The following CLHC1 variants were observed in gnomAD, a reference collection of about 807,000 sequenced individuals.
CLHC1 encodes clathrin heavy chain linker domain-containing protein 1.
In CLHC1, 72 loss-of-function variants were observed where a neutral mutation model predicts 69.5. That is an observed-to-expected ratio of 1.04 (90% confidence interval 0.86 to 1.26). The LOEUF is 1.26. Among genes scored for constraint, CLHC1 ranks in the 50% most tolerant of loss-of-function variants. The probability of loss-of-function intolerance (pLI) is 0.00; values close to 1 mark genes in which losing one functional copy is unlikely to be tolerated. For missense variants in CLHC1, 790 were observed against 679.3 expected (o/e 1.16, Z -1.81); for synonymous variants, 223 against 224.3 (o/e 0.99, Z 0.05).
intron 4 of CLHC1, among the ~76,000 whole-genome samples, chr2:55,213,177 AATTT>A (rs1459053042): frequency 1.3e-5 from 2 of 152,224 alleles, no homozygotes; most frequent in African/African-American, 4.8e-5. Context: ...AAACAACAGA[AATTT>A]ATTCTCTTAC....
chr2:55,193,154 A>G lies in CLHC1; in HGVS notation c.1007-11410T>C, dbSNP rs1222133355. The stretch of plus-strand genomic sequence containing the variant: ...TGATCCACCCGCCTCAGCCTCCCAA[A>G]GTGCTGGGATTATAGGCGTGAACCA... On this transcript the variant is annotated intron_variant, in intron 9 of 12. Coordinates refer to ENST00000401408, the MANE Select transcript of CLHC1 (RefSeq NM_152385.4). Among the ~76,000 whole-genome samples the G allele has an allele frequency of 2.0e-5, 3 of 152,222 alleles. No individual in the cohort carries two copies. The East Asian group carries it at 5.8e-4, about 29-fold the overall frequency.
At position 55,175,217 on chromosome 2, in the gene CLHC1, T is replaced by C. The variant is rs1254170288; in HGVS notation, c.*573A>G. On this transcript the variant is annotated 3_prime_UTR_variant, in exon 13 of 13. Transcript: ENST00000401408. The stretch of plus-strand genomic sequence containing the variant: ...TATGCAAAATTCGACTGGTCTTCTC[T>C]CTAAGTAATAACATGCCAAGAGTCC... The C allele has an allele frequency of 6.6e-6, 1 of 152,266 alleles. No individual in the cohort carries two copies. The highest frequency in any genetic ancestry group is 1.5e-5 in the Non-Finnish European group (1 of 68,096). The allele number at this position is 152,266 out of a possible 1,614,324, so 9.4% of individuals were successfully genotyped here.
Position 55,209,848 on chromosome 2 carries a change from C to A in CLHC1, c.500-17G>T, listed in dbSNP as rs749217144. On this transcript the variant is annotated splice_polypyrimidine_tract_variant and intron_variant, in intron 5 of 12. Transcript: ENST00000401408. ...GAGTCATGCCTATGGGGAAAGGGAA[C>A]AAATCAAACACGACAAGCCATGTGT... The A allele has an allele frequency of 3.2e-6, 5 of 1,540,668 alleles. No individual in the cohort carries two copies. The highest frequency in any genetic ancestry group is 3.6e-6 in the Non-Finnish European group (4 of 1,119,620).
chr2:55,219,122 T>C (rs977600747), intron 3 of CLHC1, among the ~76,000 whole-genome samples: 1 of 152,120 alleles, frequency 6.6e-6, no homozygotes, highest in Non-Finnish European at 1.5e-5. Flanking sequence ...AAAATAGAGG[T>C]CATCAATCTG....
At chr2:55,230,235 G>T (rs1675153530) in intron 1 of CLHC1, among the ~76,000 whole-genome samples, 1 of 152,158 alleles carries the variant, frequency 6.6e-6, no homozygotes. Flanking sequence ...GGTAGGAAGT[G>T]TTCTGCATAT....
chr2:55,206,276 A>C lies in CLHC1; in HGVS notation c.1000T>G (p.Phe334Val). 6.4e-7 allele frequency: 1 copy of C among 1,568,520 alleles called. No homozygotes were observed. Among genetic ancestry groups the C allele is most frequent in the Non-Finnish European group, 8.8e-7 (1 of 1,139,142 alleles). The change falls in exon 9 of 13, where the codon TTT becomes GTT. Residue 334 changes from phenylalanine (F) to valine (V), a missense_variant. Transcript: ENST00000401408. ...ILRNIGTMNT[F>V]KAVGKIRGKP... is the part of the protein sequence containing the mutation. Reference sequence around the variant, plus strand: ...TTCAGAGAGAAATGCTTACCCTTAAATGTATTCATTGTACCAATGTTTCGA... The same window carrying C: ...TTCAGAGAGAAATGCTTACCCTTAACTGTATTCATTGTACCAATGTTTCGA...
intron 11 of CLHC1, 102 bp downstream of exon 11, chr2:55,180,408 G>T: frequency 2.6e-6 from 2 of 773,720 alleles, no homozygotes. Context: ...ATATAAAATT[G>T]ATTTTATAAC....
At chr2:55,229,883 G>A (rs1294964030) in intron 1 of CLHC1, among the ~76,000 whole-genome samples, 2 of 152,160 alleles carry the variant, frequency 1.3e-5, no homozygotes, top group African/African-American at 2.4e-5. Flanking sequence ...AGACCAGCCT[G>A]ACCAACATGG....
At chr2:55,224,746 T>C (rs1573786821) in intron 2 of CLHC1, 1 of 326,270 alleles carries the variant, frequency 3.1e-6, no homozygotes, top group East Asian at 8.2e-5. Context: ...CTCCCTTGTG[T>C]CCATGAGAAC....
At chr2:55,221,295 T>C (rs1057002495) in intron 3 of CLHC1, among the ~76,000 whole-genome samples, 4 of 152,162 alleles carry the variant, frequency 2.6e-5, no homozygotes, top group African/African-American at 9.7e-5. Context: ...AAAAGCTGCA[T>C]AAATAAATTA....
At chr2:55,211,502 CAAAAAAAAAAA>C (rs35216255) in intron 5 of CLHC1, among the ~76,000 whole-genome samples, 7 of 82,264 alleles carry the variant, frequency 8.5e-5, no homozygotes, top group South Asian at 4.0e-4. Flanking sequence ...ACTATGTCTC[CAAAAAAAAAAA>C]AAAAAAAAAG....
Position 55,175,253 on chromosome 2 carries a change from A to G in CLHC1, c.*537T>C, listed in dbSNP as rs1669280549. On this transcript the variant is annotated 3_prime_UTR_variant, in exon 13 of 13. Coordinates refer to ENST00000401408, the MANE Select transcript of CLHC1 (RefSeq NM_152385.4). ...ACATGCCAAGAGTCCCAGCTTTTATACTAGAAGCCTAAGCTTTGCCATATT... is the reference window on the plus strand; with the variant it reads ...ACATGCCAAGAGTCCCAGCTTTTATGCTAGAAGCCTAAGCTTTGCCATATT... 6.6e-6 allele frequency: 1 copy of G among 152,516 alleles called. No homozygotes were observed. Among genetic ancestry groups the G allele is most frequent in the Non-Finnish European group, 1.5e-5 (1 of 68,202 alleles). 9.4% of individuals were successfully genotyped at this position (152,516 alleles called of 1,614,324 possible). A position where few individuals can be genotyped will look rare whatever the true frequency, so the allele number is the denominator to read the frequency against.
chr2:55,204,618 A>G (rs1170875691), intron 9 of CLHC1, among the ~76,000 whole-genome samples: 1 of 152,184 alleles, frequency 6.6e-6, no homozygotes, highest in Non-Finnish European at 1.5e-5. Context: ...TGATTATACC[A>G]TATGATCAAC....
Position 55,206,381 on chromosome 2 carries a change from A to T in CLHC1, c.900-5T>A. ...AGTGAGATTAACTCATTAAACCTAT[A>T]GCCATCACATTTTAAAATGCATTAT... On this transcript the variant is annotated splice_polypyrimidine_tract_variant and splice_region_variant and intron_variant, in intron 8 of 12. Coordinates refer to ENST00000401408, the MANE Select transcript of CLHC1 (RefSeq NM_152385.4). 6.6e-7 allele frequency: 1 copy of T among 1,521,804 alleles called. No homozygotes were observed. The highest frequency in any genetic ancestry group is 9.1e-7 in the Non-Finnish European group (1 of 1,097,900). The allele number at this position is 1,521,804 out of a possible 1,614,324, so 94.3% of individuals were successfully genotyped here.
At chr2:55,192,832 A>G (rs955162120) in intron 9 of CLHC1, among the ~76,000 whole-genome samples, 3 of 151,770 alleles carry the variant, frequency 2.0e-5, no homozygotes, top group Non-Finnish European at 2.9e-5. Flanking sequence ...CCAAAAGTAG[A>G]TCATGTATCT....
chr2:55,226,171 A>C (rs995424232), intron 2 of CLHC1, among the ~76,000 whole-genome samples: 1 of 149,040 alleles, frequency 6.7e-6, no homozygotes, highest in African/African-American at 2.5e-5. Flanking sequence ...CAGCCTGGGC[A>C]ACTGAGCGAG....
upstream of CLHC1, chr2:55,232,426 C>T (rs748784735): frequency 6.8e-6 from 2 of 294,532 alleles, no homozygotes; most frequent in Non-Finnish European, 1.3e-5. Flanking sequence ...TTTAAAAATT[C>T]TCTTAGCCAC....
chr2:55,187,277 CTCAAA>C (rs1441870323), intron 9 of CLHC1, among the ~76,000 whole-genome samples: 1 of 103,572 alleles, frequency 9.7e-6, no homozygotes, highest in Non-Finnish European at 1.7e-5. Context: ...AAAACTCCAT[CTCAAA>C]TAAAATAAAA....
At chr2:55,179,851 G>C (rs76290026) in intron 11 of CLHC1, among the ~76,000 whole-genome samples, 2 of 152,012 alleles carry the variant, frequency 1.3e-5, no homozygotes, top group Non-Finnish European at 2.9e-5. Context: ...TTATATTACA[G>C]TTCAAAACAT....
Sources: gnomAD v4.1 joint callset for allele counts (sites outside exome capture counted in the v4.1 genomes callset) on GRCh38, gnomAD v4.1.1 for gene constraint, MANE v1.5 for transcripts, NCBI Gene and HGNC (gene_info 2026-07-23, HGNC 2026-07-21) for gene names.